The following METTL15 variants were observed in gnomAD, a reference collection of about 807,000 sequenced individuals.
The protein encoded by METTL15 is 12S rRNA N(4)-cytidine methyltransferase METTL15.
In METTL15, 34 loss-of-function variants were observed where a neutral mutation model predicts 38.3. That is an observed-to-expected ratio of 0.89 (90% CI 0.68 to 1.18). The LOEUF is 1.18. METTL15 is among the 50% of genes most tolerant of loss of function. The pLI is 0.00. For synonymous variants in METTL15, 162 were observed against 170.9 expected (o/e 0.95, Z 0.41); for missense variants, 438 against 498.4 (o/e 0.88, Z 1.15).
At chr11:28,273,750 A>G (rs1855735373) in intron 4 of METTL15, among the ~76,000 whole-genome samples, 1 of 152,110 alleles carries the variant, frequency 6.6e-6, no homozygotes, top group Non-Finnish European at 1.5e-5. Context: ...TATGAATTTC[A>G]GTACACTGGA....
At chr11:28,297,052 G>C in intron 6 of METTL15, 121 bp downstream of exon 6, 1 of 957,012 alleles carries the variant, frequency 1.0e-6, no homozygotes, top group Non-Finnish European at 1.6e-6. Context: ...ACTCCCTGAG[G>C]GATTCATTTG....
At chr11:28,363,408 G>A (rs973631609) in intron 5 of METTL15, among the ~76,000 whole-genome samples, 5 of 152,036 alleles carry the variant, frequency 3.3e-5, no homozygotes, top group South Asian at 2.1e-4. Context: ...CTCCCGATCC[G>A]TGATCCACCC....
chr11:28,204,675 C>A (rs1200494384), intron 3 of METTL15, among the ~76,000 whole-genome samples: 2 of 151,830 alleles, frequency 1.3e-5, no homozygotes, highest in African/African-American at 4.8e-5. Context: ...TAGTTTAGTG[C>A]AGTCTTAGTT....
At chr11:28,245,299 C>T (rs541862120) in intron 4 of METTL15, among the ~76,000 whole-genome samples, 13 of 152,002 alleles carry the variant, frequency 8.6e-5, no homozygotes, top group Non-Finnish European at 1.6e-4. Flanking sequence ...AACTGTGCAC[C>T]AGGAAGACTA....
chr11:28,222,343 C>T (rs1398452465), intron 4 of METTL15, among the ~76,000 whole-genome samples: 1 of 152,178 alleles, frequency 6.6e-6, no homozygotes, highest in Admixed American at 6.5e-5. Context: ...GGCATAGGAC[C>T]CTCCTAGCCA....
chr11:28,160,322 G>A (rs571152132), intron 3 of METTL15, among the ~76,000 whole-genome samples: 2 of 151,934 alleles, frequency 1.3e-5, no homozygotes, highest in African/African-American at 4.8e-5. Context: ...AGAGAACCCT[G>A]ACTAATACAA....
At chr11:28,224,451 C>T (rs575526907) in intron 4 of METTL15, among the ~76,000 whole-genome samples, 1 of 151,706 alleles carries the variant, frequency 6.6e-6, no homozygotes, top group Non-Finnish European at 1.5e-5. Context: ...CAGGAAAGTA[C>T]TGAGAAAAAA....
chr11:28,392,915 C>G (rs1035499377), intron 5 of METTL15, among the ~76,000 whole-genome samples: 1 of 151,968 alleles, frequency 6.6e-6, no homozygotes, highest in African/African-American at 2.4e-5. Flanking sequence ...TTGAACATCA[C>G]TGATCATTAG....
chr11:28,379,204 T>G (rs1406198861), intron 5 of METTL15, among the ~76,000 whole-genome samples: 1 of 152,096 alleles, frequency 6.6e-6, no homozygotes, highest in East Asian at 1.9e-4. Flanking sequence ...TTAGTCTAAA[T>G]TATGTTTAAT....
At chr11:28,348,364 T>C (rs1564902844) in intron 3 of METTL15, among the ~76,000 whole-genome samples, 1 of 152,200 alleles carries the variant, frequency 6.6e-6, no homozygotes, top group African/African-American at 2.4e-5. Flanking sequence ...TACCCATTTA[T>C]TGAATTTCTT....
intron 6 of METTL15, among the ~76,000 whole-genome samples, chr11:28,310,450 A>G (rs1590303448): frequency 2.6e-5 from 4 of 152,006 alleles, no homozygotes; most frequent in African/African-American, 9.7e-5. Context: ...TCAATTCCCT[A>G]AAGGCCTAGT....
chr11:28,302,849 T>G (rs1056400757), intron 6 of METTL15, among the ~76,000 whole-genome samples: 9 of 152,262 alleles, frequency 5.9e-5, no homozygotes, highest in South Asian at 2.1e-4. Context: ...CTGTGAAGAA[T>G]AATAATGCTT....
chr11:28,334,855 T>C (rs1043556130), downstream of METTL15, among the ~76,000 whole-genome samples: 4 of 152,204 alleles, frequency 2.6e-5, no homozygotes, highest in African/African-American at 7.2e-5. Flanking sequence ...TAATTTATAA[T>C]GCTTGTCACT....
chr11:28,505,693 G>T (rs928705317), intron 6 of METTL15, among the ~76,000 whole-genome samples: 1 of 152,106 alleles, frequency 6.6e-6, no homozygotes, highest in African/African-American at 2.4e-5. Context: ...TCTGGAAATC[G>T]CTGGTAGTTG....
chr11:28,413,535 G>A (rs1299222420), intron 5 of METTL15, among the ~76,000 whole-genome samples: 2 of 152,066 alleles, frequency 1.3e-5, no homozygotes, highest in African/African-American at 4.8e-5. Context: ...GATGAAATGG[G>A]TCTCACGTTC....
At chr11:28,124,215 T>C (rs932793713) in intron 3 of METTL15, among the ~76,000 whole-genome samples, 2 of 152,100 alleles carry the variant, frequency 1.3e-5, no homozygotes, top group African/African-American at 4.8e-5. Flanking sequence ...CTAAGTGTTC[T>C]TATGTTCTAG....
intron 3 of METTL15, among the ~76,000 whole-genome samples, chr11:28,130,232 G>T (rs1473617710): frequency 1.3e-5 from 2 of 152,166 alleles, no homozygotes; most frequent in Non-Finnish European, 1.5e-5. Context: ...GATCACACGA[G>T]CCCTGGAGGT....
intron 3 of METTL15, among the ~76,000 whole-genome samples, chr11:28,151,505 T>C (rs1298600173): frequency 6.6e-6 from 1 of 152,006 alleles, no homozygotes; most frequent in Non-Finnish European, 1.5e-5. Context: ...CCAACATGCG[T>C]TACTTCCTAC....
rs1852724018 is a variant in METTL15, at chr11:28,130,605, CTGAGAG to C, written c.270+17002_270+17007del. On this transcript the variant is annotated intron_variant, in intron 3 of 6. Transcript: ENST00000407364. ...GCTGATGGAAAGGTCTAGCAACTGA[CTGAGAG>C]AGATGAAGGTCACTGGATTTGAGGT... is the stretch of plus-strand genomic sequence containing the variant. Among the ~76,000 whole-genome samples the C allele has an allele frequency of 3.3e-5, 5 of 151,964 alleles. No homozygotes were observed. The South Asian group carries it at 1.0e-3, about 31-fold the overall frequency.
Sources: allele counts gnomAD v4.1 joint callset (sites outside exome capture counted in the v4.1 genomes callset), GRCh38; gene constraint gnomAD v4.1.1; transcripts MANE v1.5; gene names NCBI Gene and HGNC (gene_info 2026-07-23, HGNC 2026-07-21).